The following ILRUN variants were observed in gnomAD, a reference collection of about 807,000 sequenced individuals.
The protein encoded by ILRUN is protein ILRUN.
In ILRUN, 3 loss-of-function variants were observed where a neutral mutation model predicts 33.8. The observed-to-expected ratio is 0.09, with a 90% CI of 0.04 to 0.23. The LOEUF is 0.23. ILRUN is among the 10% of genes least tolerant of loss of function. The pLI is 1.00. For missense variants in ILRUN, 210 were observed against 375.1 expected (o/e 0.56, Z 3.64); for synonymous variants, 124 against 138.9 (o/e 0.89, Z 0.75).
In ILRUN at chr6:34,642,948, G is replaced by A. The variant is rs1485699125; in HGVS notation, c.511+3653C>T. On this transcript the variant is annotated intron_variant, in intron 3 of 4. Transcript: ENST00000374023. ...TTTGAGGCTGCAGTGAGCTATGATC[G>A]TTCCACTGCACTCCAGCCTGGGTGA... is the stretch of plus-strand genomic sequence containing the variant. Among the ~76,000 whole-genome samples, 11 of 146,498 alleles carry A rather than the reference G, an allele frequency of 7.5e-5. No homozygotes were observed. The South Asian group carries it at 1.1e-3, about 14-fold the overall frequency.
intron 3 of ILRUN, among the ~76,000 whole-genome samples, chr6:34,608,743 C>T (rs1329855822): frequency 6.6e-6 from 1 of 152,172 alleles, no homozygotes; most frequent in African/African-American, 2.4e-5. Context: ...TACCACCTAT[C>T]CACAATTAAA....
intron 1 of ILRUN, among the ~76,000 whole-genome samples, chr6:34,682,670 C>T (rs1763393430): frequency 6.6e-6 from 1 of 151,788 alleles, no homozygotes; most frequent in South Asian, 2.1e-4. Context: ...GTTGGGGTCT[C>T]CCTATGTGGC....
In ILRUN at chr6:34,696,576, G is replaced by C; in HGVS notation, c.28C>G (p.Pro10Ala). 1.2e-6 allele frequency: 2 copies of C among 1,612,320 alleles called. No homozygotes were observed. Among genetic ancestry groups the C allele is most frequent in the Non-Finnish European group, 1.7e-6 (2 of 1,179,814 alleles). The change falls in exon 1 of 5, where the codon CCG (proline) becomes GCG (alanine). Residue 10 changes from proline (P) to alanine (A), a missense_variant. By Grantham distance (27) the Pro-to-Ala change is conservative (BLOSUM62 -1). Coordinates refer to ENST00000374023, the MANE Select transcript of ILRUN (RefSeq NM_024294.4). ...CAGCTGAACTTCTGCATCAGCTCCGGGTCCAGGTCTACGTCCATGCCCTCC... is the reference window on the plus strand; with the variant it reads ...CAGCTGAACTTCTGCATCAGCTCCGCGTCCAGGTCTACGTCCATGCCCTCC... MEGMDVDLD[P>A]ELMQKFSCLG...
intron 1 of ILRUN, among the ~76,000 whole-genome samples, chr6:34,670,507 C>G (rs1252757585): frequency 1.3e-5 from 2 of 152,066 alleles, no homozygotes; most frequent in Admixed American, 6.6e-5. Context: ...TACACAATCA[C>G]CATGTTAGTA....
chr6:34,608,726 GA>G (rs1761684442), intron 3 of ILRUN, among the ~76,000 whole-genome samples: 1 of 152,112 alleles, frequency 6.6e-6, no homozygotes, highest in Admixed American at 6.6e-5. Flanking sequence ...ACTATAGAGG[GA>G]AACTCTACCA....
chr6:34,596,524 G>T (rs1461285211), intron 4 of ILRUN, among the ~76,000 whole-genome samples: 6 of 152,134 alleles, frequency 3.9e-5, no homozygotes, highest in Admixed American at 2.0e-4. Context: ...CGTTGGCCAG[G>T]CTGGTCTAGA....
intron 4 of ILRUN, among the ~76,000 whole-genome samples, chr6:34,594,419 A>G (rs205264): frequency 0.16 from 23,960 of 152,204 alleles, 2,510 homozygotes; most frequent in African/African-American, 0.29. Context: ...CGGAGGGTAT[A>G]AATACTCAAA....
intron 1 of ILRUN, among the ~76,000 whole-genome samples, chr6:34,661,851 C>T (rs1287918705): frequency 2.6e-5 from 4 of 152,036 alleles, no homozygotes; most frequent in Admixed American, 6.6e-5. Flanking sequence ...AGAGGCCAGG[C>T]GCGGTGGCTC....
intron 1 of ILRUN, chr6:34,696,170 C>T (rs1763766982): frequency 2.4e-6 from 1 of 422,542 alleles, no homozygotes; most frequent in Non-Finnish European, 4.3e-6. Flanking sequence ...ATCCCACGTC[C>T]CTTGGCCCCT....
At chr6:34,605,034 C>T (rs778450056) in intron 4 of ILRUN, among the ~76,000 whole-genome samples, 11 of 152,148 alleles carry the variant, frequency 7.2e-5, no homozygotes, top group East Asian at 1.9e-4. Flanking sequence ...AGGCTGGGCA[C>T]GGTGGCTCAC....
intron 1 of ILRUN, among the ~76,000 whole-genome samples, chr6:34,662,528 G>A (rs1762911453): frequency 1.3e-5 from 2 of 152,116 alleles, no homozygotes; most frequent in African/African-American, 4.8e-5. Context: ...AACAATATAT[G>A]ATTTATACAT....
At chr6:34,601,536 C>T (rs769435865) in intron 4 of ILRUN, among the ~76,000 whole-genome samples, 2 of 152,238 alleles carry the variant, frequency 1.3e-5, no homozygotes, top group Non-Finnish European at 2.9e-5. Flanking sequence ...TCTGGTCAAA[C>T]TGCCTGGGCA....
intron 1 of ILRUN, among the ~76,000 whole-genome samples, chr6:34,673,535 GCTCAAGTGTTGATAA>G: frequency 6.6e-6 from 1 of 152,228 alleles, no homozygotes; most frequent in South Asian, 2.1e-4. Context: ...CACACAAATG[GCTCAAGTGTTGATAA>G]ACATTTAAAC....
At chr6:34,633,842 A>AT (rs1049218911) in intron 3 of ILRUN, among the ~76,000 whole-genome samples, 2 of 119,140 alleles carry the variant, frequency 1.7e-5, no homozygotes, top group Non-Finnish European at 3.4e-5. Flanking sequence ...AAGAGAGGGG[A>AT]GGGGAGAGGA....
chr6:34,654,147 C>T (rs563053816), intron 2 of ILRUN, among the ~76,000 whole-genome samples: 1 of 142,208 alleles, frequency 7.0e-6, no homozygotes, highest in East Asian at 2.0e-4. Context: ...ATTTCAGAGA[C>T]AATCATCCTT....
intron 3 of ILRUN, among the ~76,000 whole-genome samples, chr6:34,644,457 GGAGT>G (rs1318383760): frequency 1.3e-5 from 2 of 152,152 alleles, no homozygotes; most frequent in Admixed American, 6.6e-5. Context: ...AAGAAACAAA[GGAGT>G]GAGAGGTGAA....
At chr6:34,637,867 T>TTGC (rs1554185667) in intron 3 of ILRUN, among the ~76,000 whole-genome samples, 3 of 61,040 alleles carry the variant, frequency 4.9e-5, no homozygotes, top group Admixed American at 2.8e-4. Context: ...GCTGCTGCTG[T>TTGC]TGTTGTTGTT....
intron 3 of ILRUN, among the ~76,000 whole-genome samples, chr6:34,625,503 G>T (rs1265635792): frequency 6.6e-6 from 1 of 152,188 alleles, no homozygotes; most frequent in African/African-American, 2.4e-5. Context: ...CAGACATGCT[G>T]AAGTTGTACA....
chr6:34,608,115 C>T (rs1415297111), intron 3 of ILRUN, among the ~76,000 whole-genome samples: 1 of 151,872 alleles, frequency 6.6e-6, no homozygotes, highest in Non-Finnish European at 1.5e-5. Context: ...AAATTACAGC[C>T]GTGGGTGGTG....
Sources: gnomAD v4.1 joint callset for allele counts (sites outside exome capture counted in the v4.1 genomes callset) on GRCh38, gnomAD v4.1.1 for gene constraint, MANE v1.5 for transcripts, NCBI Gene and HGNC (gene_info 2026-07-23, HGNC 2026-07-21) for gene names.